Variants in SH2D3C observed in about 807,000 individuals in gnomAD.
The protein encoded by SH2D3C is SH2 domain containing 3C.
Under a neutral mutation model 75.2 loss-of-function variants are expected in SH2D3C, and 25 were observed. The ratio of observed to expected loss-of-function variants is 0.33; its 90% CI spans 0.24 to 0.46. The LOEUF is 0.46. Ranked by LOEUF, SH2D3C falls within the 20% of genes least tolerant of loss-of-function variation. SH2D3C has a pLI of 1.00. For synonymous variants in SH2D3C, 450 were observed against 473.7 expected (o/e 0.95, Z 0.65); for missense variants, 933 against 1,165.3 (o/e 0.80, Z 2.90).
At chr9:127,758,567 A>AT (rs1159218222) in intron 3 of SH2D3C, among the ~76,000 whole-genome samples, 2 of 152,096 alleles carry the variant, frequency 1.3e-5, no homozygotes, top group Non-Finnish European at 2.9e-5. Flanking sequence ...CCACGGTGGC[A>AT]TAAGGGTTCT....
At position 127,754,597 on chromosome 9, in the gene SH2D3C, G is replaced by A. The variant is rs745922017; in HGVS notation, c.556-3297C>T. On this transcript the variant is annotated intron_variant, in intron 3 of 11. Transcript: ENST00000314830. This position sits in a 1 kb window ranked among gnomAD's most constrained non-coding sequence, Gnocchi z 4.4. The stretch of plus-strand genomic sequence containing the variant: ...CATGTCCAAGCCCACCTAGAGGGCG[G>A]GAGGGTGGCGGGCGCTCTGGCCCCA... Among the ~76,000 whole-genome samples, 32 of 152,160 alleles carry A rather than the reference G, an allele frequency of 2.1e-4. No individual in the cohort carries two copies. The highest frequency in any genetic ancestry group is 4.0e-4 in the Non-Finnish European group (27 of 68,004).
In SH2D3C at chr9:127,740,329, C is replaced by A. The variant is rs752313584; in HGVS notation, c.2129G>T (p.Arg710Leu). Residue 710 changes from arginine (R) to leucine (L), a missense_variant, in exon 10 of 12, where the codon CGA becomes CTA. Arg to Leu is a moderately radical substitution (Grantham distance 102). Coordinates refer to ENST00000314830, the MANE Select transcript of SH2D3C (RefSeq NM_170600.3). ...LEQTWVTLRQ[R>L]HTEGAILYEK... ...GTACAGGATGGCACCCTCTGTGTGT[C>A]GCTGCCGCAGGGTCACCCATGTCTG... The A allele has an allele frequency of 5.6e-5, 91 of 1,614,126 alleles. 5 individuals are homozygous for A. The South Asian group carries it at 9.8e-4, about 17-fold the overall frequency.
In SH2D3C at chr9:127,754,926, C is replaced by A; in HGVS notation, c.556-3626G>T. 5.9e-6 allele frequency: 3 copies of A among 509,492 alleles called. No individual in the cohort carries two copies. Among genetic ancestry groups the A allele is most frequent in the South Asian group, 3.2e-5 (2 of 62,614 alleles). 31.6% of individuals were successfully genotyped at this position (509,492 alleles called of 1,614,324 possible). On this transcript the variant is annotated intron_variant, in intron 3 of 11. Transcript: ENST00000314830. This position sits in a 1 kb window ranked among gnomAD's most constrained non-coding sequence, Gnocchi z 4.4. Reference sequence around the variant, plus strand: ...GCGCCCAGAGGTGAGGCTGGGGTGACCCCGCCCCCTCCCCGGGTCGGCCGG... The same window carrying A: ...GCGCCCAGAGGTGAGGCTGGGGTGAACCCGCCCCCTCCCCGGGTCGGCCGG...
chr9:127,762,588 A>G (rs2131794233), intron 2 of SH2D3C: 1 of 152,346 alleles, frequency 6.6e-6, no homozygotes. Flanking sequence ...CCAGTCCACC[A>G]GGAAATCCTG....
chr9:127,739,930 G>T lies in SH2D3C; in HGVS notation c.2201-42C>A. On this transcript the variant is annotated intron_variant, in intron 10 of 11. Coordinates refer to ENST00000314830, the MANE Select transcript of SH2D3C (RefSeq NM_170600.3). This position sits in a 1 kb window ranked among gnomAD's most constrained non-coding sequence, Gnocchi z 4.3. ...AGCAGGCGCTTAAAGATCCTGTAGT[G>T]CCCCACCATCCACTGCAGTCCTGGA... The T allele has an allele frequency of 6.8e-7, 1 of 1,469,604 alleles. No homozygotes were observed. The highest frequency in any genetic ancestry group is 9.1e-7 in the Non-Finnish European group (1 of 1,096,530). The allele number at this position is 1,469,604 out of a possible 1,614,324, so 91.0% of individuals were successfully genotyped here. A position where few individuals can be genotyped will look rare whatever the true frequency, so the allele number is the denominator to read the frequency against.
chr9:127,767,447 C>A, intron 2 of SH2D3C: 1 of 371,340 alleles, frequency 2.7e-6, no homozygotes, highest in Non-Finnish European at 3.7e-6. Flanking sequence ...CTGCTCTGTT[C>A]CTTACATGGG....
chr9:127,762,536 C>T, intron 2 of SH2D3C: 1 of 427,524 alleles, frequency 2.3e-6, no homozygotes, highest in African/African-American at 2.0e-5. Flanking sequence ...TGGCCAAAAA[C>T]CCTGTGGTCC....
At chr9:127,753,211 C>T (rs1845250882) in intron 3 of SH2D3C, among the ~76,000 whole-genome samples, 1 of 151,996 alleles carries the variant, frequency 6.6e-6, no homozygotes, top group Non-Finnish European at 1.5e-5. Context: ...GGAGAGCAGC[C>T]TAGGGTTTTC....
chr9:127,749,806 C>G lies in SH2D3C; in HGVS notation c.685-141G>C. On this transcript the variant is annotated intron_variant, in intron 4 of 11. Transcript: ENST00000314830. The surrounding 1 kb of genome is among the most constrained non-coding windows in gnomAD (Gnocchi z 5.9). ...TAGAGGACCCAATGAACAGAGACATCTGACATCTGAGAGCGGGGATGCAAT... is the reference window on the plus strand; with the variant it reads ...TAGAGGACCCAATGAACAGAGACATGTGACATCTGAGAGCGGGGATGCAAT... The G allele has an allele frequency of 6.3e-6, 4 of 631,686 alleles. No individual in the cohort carries two copies. Among genetic ancestry groups the G allele is most frequent in the Non-Finnish European group, 1.1e-5 (4 of 354,508 alleles). The allele number at this position is 631,686 out of a possible 1,614,324, so 39.1% of individuals were successfully genotyped here.
intron 6 of SH2D3C, among the ~76,000 whole-genome samples, chr9:127,745,961 A>G (rs1434051692): frequency 6.6e-6 from 1 of 152,142 alleles, no homozygotes; most frequent in Non-Finnish European, 1.5e-5. Flanking sequence ...AATCCTTTCA[A>G]TGTCCTATGA....
intron 3 of SH2D3C, among the ~76,000 whole-genome samples, chr9:127,760,510 G>C (rs1938491099): frequency 6.6e-6 from 1 of 152,030 alleles, no homozygotes; most frequent in South Asian, 2.1e-4. Context: ...GGGTTGATGG[G>C]TGCAGCAAAC....
rs1414132003 is a variant in SH2D3C at position 127,776,297 on chromosome 9, G to A, written c.38-1830C>T. ...CGAGCTCACACCGCTGGTAGGTGGA[G>A]CAGGTGTGCGTGTTTTGTGCTCATG... On this transcript the variant is annotated intron_variant, in intron 1 of 11. Coordinates refer to ENST00000314830, the MANE Select transcript of SH2D3C (RefSeq NM_170600.3). 2.6e-5 allele frequency among the ~76,000 whole-genome samples: 4 copies of A among 152,160 alleles called. No homozygotes were observed. In the East Asian group the frequency reaches 7.7e-4, roughly 29 times the overall value.
intron 8 of SH2D3C, among the ~76,000 whole-genome samples, chr9:127,742,499 A>C (rs1844892755): frequency 6.6e-6 from 1 of 152,140 alleles, no homozygotes; most frequent in African/African-American, 2.4e-5. Flanking sequence ...GGCCTCCCAA[A>C]ATGCTGGGAT....
chr9:127,747,371 A>G (rs563151079), intron 5 of SH2D3C, 100 bp from the exon 6 acceptor site: 5 of 1,174,866 alleles, frequency 4.3e-6, no homozygotes, highest in Non-Finnish European at 5.8e-6. Flanking sequence ...TCAGAGGCAG[A>G]GAAGGCTTGG....
At chr9:127,762,310 C>T (rs1158014318) in intron 2 of SH2D3C, 13 of 1,293,368 alleles carry the variant, frequency 1.0e-5, no homozygotes, top group South Asian at 1.2e-5. Context: ...CCACTCCCCC[C>T]ACCGCATGGC....
intron 3 of SH2D3C, chr9:127,755,375 C>G (rs1354969790): frequency 2.8e-6 from 1 of 361,378 alleles, no homozygotes; most frequent in African/African-American, 2.2e-5. Context: ...CCTCCCTCCG[C>G]CCGCCCCCCG....
chr9:127,744,447 T>C lies in SH2D3C; in HGVS notation c.1800+117A>G, dbSNP rs1290168038. 1.1e-5 allele frequency: 14 copies of C among 1,282,968 alleles called. No individual in the cohort carries two copies. In the East Asian group the frequency reaches 3.3e-4, roughly 30 times the overall value. 79.5% of individuals were successfully genotyped at this position (1,282,968 alleles called of 1,614,324 possible). On this transcript the variant is annotated intron_variant, in intron 7 of 11. Transcript: ENST00000314830. ...TCACAGAGCAGGCAAAGGACAGCCA[T>C]GGAGCTAGAATCCAGGCCCACCTGC...
intron 8 of SH2D3C, chr9:127,742,527 G>A (rs1030628629): frequency 1.9e-5 from 5 of 260,780 alleles, no homozygotes; most frequent in African/African-American, 1.1e-4. Flanking sequence ...TCGAGCCACC[G>A]CGCCCGGCCA....
At chr9:127,765,763 G>C (rs758539334) in intron 2 of SH2D3C, among the ~76,000 whole-genome samples, 1 of 152,108 alleles carries the variant, frequency 6.6e-6, no homozygotes, top group Non-Finnish European at 1.5e-5. Context: ...AGGAATCAAA[G>C]CATCCATTTT....
Sources: gnomAD v4.1 joint callset for allele counts (sites outside exome capture counted in the v4.1 genomes callset) on GRCh38, gnomAD v4.1.1 for gene constraint, Gnocchi (gnomAD v3.1) non-coding constraint, MANE v1.5 for transcripts, NCBI Gene and HGNC (gene_info 2026-07-23, HGNC 2026-07-21) for gene names.